The following CSGALNACT2 variants were observed in gnomAD, a reference collection of about 807,000 sequenced individuals.
CSGALNACT2 encodes chondroitin sulfate N-acetylgalactosaminyltransferase 2.
A neutral mutation model predicts 55.3 loss-of-function variants in CSGALNACT2; 35 were observed. The observed-to-expected ratio is 0.63, with a 90% CI of 0.48 to 0.84. The LOEUF is 0.84. Ranked by LOEUF, CSGALNACT2 falls within the 40% of genes least tolerant of loss-of-function variation. CSGALNACT2 has a pLI of 0.00. For synonymous variants in CSGALNACT2, 196 were observed against 224.9 expected (o/e 0.87, Z 1.15); for missense variants, 544 against 657.5 (o/e 0.83, Z 1.89).
intron 6 of CSGALNACT2, among the ~76,000 whole-genome samples, chr10:43,172,585 C>G (rs1588911279): frequency 6.6e-6 from 1 of 152,092 alleles, no homozygotes; most frequent in African/African-American, 2.4e-5. Context: ...AGCCTCCACT[C>G]CTGTCCACTG....
chr10:43,154,656 G>A (rs1257819376), intron 1 of CSGALNACT2, among the ~76,000 whole-genome samples: 1 of 152,076 alleles, frequency 6.6e-6, no homozygotes, highest in East Asian at 1.9e-4. Flanking sequence ...GAACCCAGGA[G>A]GCAGAGGTTG....
At chr10:43,172,307 A>T (rs996341240) in intron 6 of CSGALNACT2, among the ~76,000 whole-genome samples, 1 of 147,610 alleles carries the variant, frequency 6.8e-6, no homozygotes, top group Non-Finnish European at 1.5e-5. Context: ...AATGAAGAGG[A>T]AAATGTAAAG....
chr10:43,178,342 G>C (rs530755820), intron 7 of CSGALNACT2, among the ~76,000 whole-genome samples: 1 of 152,086 alleles, frequency 6.6e-6, no homozygotes, highest in East Asian at 1.9e-4. Flanking sequence ...CCTAATACAG[G>C]CCAGGCACGG....
At chr10:43,143,157 A>G (rs1040565137) in intron 1 of CSGALNACT2, among the ~76,000 whole-genome samples, 2 of 152,224 alleles carry the variant, frequency 1.3e-5, no homozygotes, top group African/African-American at 4.8e-5. Flanking sequence ...TCTGGCTCCC[A>G]AGCCTATTGT....
intron 1 of CSGALNACT2, among the ~76,000 whole-genome samples, chr10:43,152,267 C>G (rs1053458078): frequency 1.8e-4 from 27 of 152,060 alleles, no homozygotes; most frequent in Non-Finnish European, 5.9e-5. Context: ...GATGTAACAA[C>G]AGAAAAATGT....
intron 4 of CSGALNACT2, chr10:43,162,091 A>G: frequency 2.0e-6 from 1 of 503,528 alleles, no homozygotes; most frequent in Non-Finnish European, 4.0e-6. Context: ...GAAGAAAATC[A>G]AAACAACTCT....
Position 43,154,914 on chromosome 10 carries a change from T to C in CSGALNACT2, c.-236T>C, listed in dbSNP as rs1301540236. 3 of 488,482 alleles carry C rather than the reference T, an allele frequency of 6.1e-6. No individual in the cohort carries two copies. Among genetic ancestry groups the C allele is most frequent in the Non-Finnish European group, 1.1e-5 (3 of 277,264 alleles). The allele number at this position is 488,482 out of a possible 1,614,324, so 30.3% of individuals were successfully genotyped here. A position where few individuals can be genotyped will look rare whatever the true frequency, so the allele number is the denominator to read the frequency against. ...TCTTTCAGAAAAATCACTACCAATA[T>C]AATGGATTTTATATATCAGATTGCT... On this transcript the variant is annotated 5_prime_UTR_variant, in exon 2 of 8. Transcript: ENST00000374466.
chr10:43,144,565 G>GT lies in CSGALNACT2; in HGVS notation c.-254+6007dup, dbSNP rs11291922. On this transcript the variant is annotated intron_variant, in intron 1 of 7. Transcript: ENST00000374466. ...ATACTTCAGTAAACAAACTGGAGGG[G>GT]TTTTTTTTTGTTGTTGTTTTACAAA... Among the ~76,000 whole-genome samples the GT allele has an allele frequency of 1.3e-5, 2 of 151,880 alleles. 1 individual carries two copies. The highest frequency in any genetic ancestry group is 4.1e-4 in the South Asian group (2 of 4,820).
chr10:43,182,761 C>T (rs904094931), intron 7 of CSGALNACT2, among the ~76,000 whole-genome samples: 30 of 151,332 alleles, frequency 2.0e-4, no homozygotes, highest in Admixed American at 6.6e-5. Context: ...CCTGTGGTCC[C>T]AGCTACTCGG....
At chr10:43,167,797 T>C (rs1186738247) in intron 6 of CSGALNACT2, among the ~76,000 whole-genome samples, 1 of 152,064 alleles carries the variant, frequency 6.6e-6, no homozygotes, top group Non-Finnish European at 1.5e-5. Context: ...GAGTCGAGAA[T>C]ACCAAATTGC....
chr10:43,163,869 G>A lies in CSGALNACT2; in HGVS notation c.984G>A (p.Glu328=), dbSNP rs767176754. 9.9e-6 allele frequency: 16 copies of A among 1,612,286 alleles called. No individual in the cohort carries two copies. Among genetic ancestry groups the A allele is most frequent in the Non-Finnish European group, 1.4e-5 (16 of 1,179,080 alleles). Residue 328 remains glutamate, a synonymous_variant, in exon 5 of 8, where the codon GAG becomes GAA. Coordinates refer to ENST00000374466, the MANE Select transcript of CSGALNACT2 (RefSeq NM_018590.5). ...GTTGTGTGTGCTTTCCTCATAGTGA[G>A]TCTAATTTTCACAATTACACCTTGG... ...VKSILESVTS[E]SNFHNYTLVS...
At chr10:43,150,402 C>T (rs1838851332) in intron 1 of CSGALNACT2, among the ~76,000 whole-genome samples, 1 of 152,170 alleles carries the variant, frequency 6.6e-6, no homozygotes, top group Non-Finnish European at 1.5e-5. Flanking sequence ...GCCTAAAAGA[C>T]TTACAGTACA....
chr10:43,180,057 C>T (rs1286530562), intron 7 of CSGALNACT2, among the ~76,000 whole-genome samples: 1 of 152,180 alleles, frequency 6.6e-6, no homozygotes, highest in Non-Finnish European at 1.5e-5. Context: ...CACCTCTGCC[C>T]TATGAGCAGG....
At chr10:43,151,431 A>AT (rs780159452) in intron 1 of CSGALNACT2, among the ~76,000 whole-genome samples, 14 of 152,082 alleles carry the variant, frequency 9.2e-5, no homozygotes, top group African/African-American at 1.2e-4. Flanking sequence ...CTGAGACAAG[A>AT]TTTTTTTGAG....
At chr10:43,166,669 G>A (rs570349704) in intron 5 of CSGALNACT2, among the ~76,000 whole-genome samples, 1 of 152,262 alleles carries the variant, frequency 6.6e-6, no homozygotes, top group South Asian at 2.1e-4. Flanking sequence ...GATTATCAGA[G>A]GTTAATCTAC....
At chr10:43,139,350 T>G (rs1838568073) in intron 1 of CSGALNACT2, among the ~76,000 whole-genome samples, 1 of 152,224 alleles carries the variant, frequency 6.6e-6, no homozygotes, top group Non-Finnish European at 1.5e-5. Flanking sequence ...CATTTTGTAT[T>G]ATTGTTCTTG....
intron 4 of CSGALNACT2, among the ~76,000 whole-genome samples, chr10:43,160,943 A>C (rs1271028042): frequency 6.6e-6 from 1 of 151,794 alleles, no homozygotes; most frequent in Non-Finnish European, 1.5e-5. Flanking sequence ...CCATTTCCTC[A>C]GGCTCCTTCT....
chr10:43,139,275 A>G (rs779446198), intron 1 of CSGALNACT2, among the ~76,000 whole-genome samples: 65 of 152,342 alleles, frequency 4.3e-4, no homozygotes, highest in African/African-American at 1.4e-3. Context: ...TGAATGTTGT[A>G]TTAAAATAGT....
intron 2 of CSGALNACT2, among the ~76,000 whole-genome samples, chr10:43,156,241 G>A (rs944102111): frequency 6.6e-6 from 1 of 152,154 alleles, no homozygotes; most frequent in African/African-American, 2.4e-5. Flanking sequence ...TCGTATTGGA[G>A]GAAGGAGAAG....
Sources: allele counts gnomAD v4.1 joint callset (sites outside exome capture counted in the v4.1 genomes callset), GRCh38; gene constraint gnomAD v4.1.1; transcripts MANE v1.5; gene names NCBI Gene and HGNC (gene_info 2026-07-23, HGNC 2026-07-21).